The following NCK2 variants were observed in gnomAD, a reference collection of about 807,000 sequenced individuals.
NCK2 encodes cytoplasmic protein NCK2.
A neutral mutation model predicts 33.9 loss-of-function variants in NCK2; 16 were observed. The ratio of observed to expected loss-of-function variants is 0.47; its 90% CI spans 0.32 to 0.72. The LOEUF (loss-of-function observed/expected upper bound fraction) is 0.72. NCK2 is among the 30% of genes least tolerant of loss of function. The pLI, the probability that NCK2 is intolerant of heterozygous loss-of-function variation, is 0.03. For missense variants in NCK2, 418 were observed against 537.3 expected, an observed-to-expected ratio of 0.78 and a Z score of 2.19; for synonymous variants, 273 against 239.9, an observed-to-expected ratio of 1.14 and a Z score of -1.27.
chr2:105,766,395 C>T (rs1419006494), intron 1 of NCK2, among the ~76,000 whole-genome samples: 1 of 152,194 alleles, frequency 6.6e-6, no homozygotes, highest in East Asian at 1.9e-4. Flanking sequence ...GCCATCATGG[C>T]TCACTGTGGC....
chr2:105,819,085 A>G (rs1675623402), intron 2 of NCK2, among the ~76,000 whole-genome samples: 1 of 152,056 alleles, frequency 6.6e-6, no homozygotes, highest in African/African-American at 2.4e-5. Flanking sequence ...GTGTGTTGTG[A>G]TTTCCAGAGC....
At chr2:105,796,696 C>T (rs73946301) in intron 1 of NCK2, among the ~76,000 whole-genome samples, 1,672 of 152,240 alleles carry the variant, frequency 0.011, 31 homozygotes, top group African/African-American at 0.038. Context: ...CATGTTTATT[C>T]CCTTTCTTTT....
At chr2:105,773,927 G>A (rs34892176) in intron 1 of NCK2, among the ~76,000 whole-genome samples, 33,317 of 151,700 alleles carry the variant, frequency 0.22, 4,339 homozygotes, top group Middle Eastern at 0.38. Flanking sequence ...AAAACCCTCT[G>A]TTTATAAGAA....
intron 1 of NCK2, among the ~76,000 whole-genome samples, chr2:105,809,064 A>C (rs1252449972): frequency 1.3e-5 from 2 of 152,246 alleles, no homozygotes; most frequent in African/African-American, 4.8e-5. Context: ...TGGCCCAGGA[A>C]GCCAGCTGTA....
At chr2:105,783,601 T>C (rs118166410) in intron 1 of NCK2, among the ~76,000 whole-genome samples, 2,858 of 152,262 alleles carry the variant, frequency 0.019, 53 homozygotes, top group Non-Finnish European at 0.022. Flanking sequence ...CGGAGAATAA[T>C]GGTGTGTTTT....
chr2:105,796,949 C>T (rs1260727446), intron 1 of NCK2, among the ~76,000 whole-genome samples: 1 of 152,168 alleles, frequency 6.6e-6, no homozygotes, highest in Non-Finnish European at 1.5e-5. Context: ...CAGCACTTAT[C>T]TGTGGTTGGT....
chr2:105,745,324 C>G (rs1467858800), intron 1 of NCK2, among the ~76,000 whole-genome samples, 186 bp downstream of exon 1: 1 of 151,744 alleles, frequency 6.6e-6, no homozygotes, highest in South Asian at 2.1e-4. Context: ...CGCGGACTGC[C>G]GGGCACCTCC....
chr2:105,786,057 T>A (rs1690670369), intron 1 of NCK2, among the ~76,000 whole-genome samples: 1 of 152,186 alleles, frequency 6.6e-6, no homozygotes, highest in South Asian at 2.1e-4. Flanking sequence ...CTTATTTGCC[T>A]TATTCTCACG....
At chr2:105,817,686 C>G (rs925418551) in intron 2 of NCK2, among the ~76,000 whole-genome samples, 2 of 152,162 alleles carry the variant, frequency 1.3e-5, no homozygotes, top group Non-Finnish European at 2.9e-5. Context: ...AAATGCTCAT[C>G]ATCACTGGCC....
chr2:105,838,602 T>C (rs527438761), intron 2 of NCK2, among the ~76,000 whole-genome samples: 1 of 152,316 alleles, frequency 6.6e-6, no homozygotes, highest in African/African-American at 2.4e-5. Flanking sequence ...AGAATAACAA[T>C]GAATATATCA....
chr2:105,794,336 G>A (rs911104558), intron 1 of NCK2, among the ~76,000 whole-genome samples: 5 of 152,050 alleles, frequency 3.3e-5, no homozygotes, highest in African/African-American at 4.8e-5. Context: ...ACAGGCATGC[G>A]CCACCATGCC....
chr2:105,787,893 G>A (rs1315645685), intron 1 of NCK2, among the ~76,000 whole-genome samples: 2 of 152,074 alleles, frequency 1.3e-5, no homozygotes, highest in East Asian at 1.9e-4. Flanking sequence ...AAACACATGC[G>A]TATACCGCCC....
chr2:105,790,304 T>G (rs189373987), intron 1 of NCK2, among the ~76,000 whole-genome samples: 199 of 152,350 alleles, frequency 1.3e-3, no homozygotes, highest in Admixed American at 2.5e-3. Flanking sequence ...CCACCATCTA[T>G]TTTTAGCAGA....
chr2:105,799,893 A>G (rs909793907), intron 1 of NCK2, among the ~76,000 whole-genome samples: 3 of 152,208 alleles, frequency 2.0e-5, no homozygotes, highest in African/African-American at 7.2e-5. Context: ...CATTAATGAC[A>G]TAACTTTTTT....
At chr2:105,763,853 T>G (rs1689845087) in intron 1 of NCK2, among the ~76,000 whole-genome samples, 1 of 152,252 alleles carries the variant, frequency 6.6e-6, no homozygotes, top group Non-Finnish European at 1.5e-5. Flanking sequence ...TTACTTTCAT[T>G]GTGCCTTCTT....
chr2:105,767,244 A>G (rs1689980860), intron 1 of NCK2, among the ~76,000 whole-genome samples: 1 of 152,236 alleles, frequency 6.6e-6, no homozygotes, highest in Admixed American at 6.5e-5. Flanking sequence ...TCATTGAACC[A>G]AATGCAATTT....
chr2:105,755,080 ACTTTT>A (rs1176694327), intron 1 of NCK2, among the ~76,000 whole-genome samples: 1 of 151,708 alleles, frequency 6.6e-6, no homozygotes, highest in Admixed American at 6.6e-5. Flanking sequence ...CCCTCATATG[ACTTTT>A]CTTTTATGTG....
chr2:105,870,263 T>C (rs1677944939), intron 3 of NCK2, among the ~76,000 whole-genome samples: 1 of 152,190 alleles, frequency 6.6e-6, no homozygotes, highest in African/African-American at 2.4e-5. Flanking sequence ...AGCTGGAGGC[T>C]GAGGAGGCAG....
chr2:105,789,934 G>A (rs56041518), intron 1 of NCK2, among the ~76,000 whole-genome samples: 1,671 of 152,354 alleles, frequency 0.011, 30 homozygotes, highest in African/African-American at 0.038. Context: ...AAATGTTCAC[G>A]AATGGATGTT....
Sources: gnomAD v4.1 joint callset for allele counts (sites outside exome capture counted in the v4.1 genomes callset) on GRCh38, gnomAD v4.1.1 for gene constraint, MANE v1.5 for transcripts, NCBI Gene and HGNC (gene_info 2026-07-23, HGNC 2026-07-21) for gene names.